Variants in NAA25 observed in about 807,000 individuals in gnomAD.
NAA25 encodes N-terminal acetyltransferase B complex subunit NAA25.
Under a neutral mutation model 132.5 loss-of-function variants are expected in NAA25, and 30 were observed. That is an observed-to-expected ratio of 0.23 (90% confidence interval 0.17 to 0.31). NAA25 has a LOEUF of 0.31. Among genes scored for constraint, NAA25 ranks in the 10% least tolerant of loss-of-function variants. The pLI, the probability that NAA25 is intolerant of heterozygous loss-of-function variation, is 1.00. For synonymous variants in NAA25, 359 were observed against 401.9 expected, an observed-to-expected ratio of 0.89 and a Z score of 1.28; for missense variants, 771 against 1,150.4, an observed-to-expected ratio of 0.67 and a Z score of 4.77.
At chr12:112,101,027 A>G (rs2079287732) in intron 1 of NAA25, among the ~76,000 whole-genome samples, 1 of 151,914 alleles carries the variant, frequency 6.6e-6, no homozygotes, top group African/African-American at 2.4e-5. Context: ...CTTCATTCCA[A>G]CTGCACAAGC....
chr12:112,090,499 A>G, intron 3 of NAA25: 1 of 407,278 alleles, frequency 2.5e-6, no homozygotes, highest in Non-Finnish European at 4.3e-6. Flanking sequence ...CATTTAGCAG[A>G]TCAAAATATC....
At chr12:112,068,616 C>T (rs1271835992) in intron 11 of NAA25, among the ~76,000 whole-genome samples, 1 of 152,048 alleles carries the variant, frequency 6.6e-6, no homozygotes, top group East Asian at 1.9e-4. Flanking sequence ...CTTCCAATTA[C>T]ATGTAAATCC....
chr12:112,098,991 CT>C (rs545549893), intron 1 of NAA25, among the ~76,000 whole-genome samples: 320 of 144,162 alleles, frequency 2.2e-3, no homozygotes, highest in Non-Finnish European at 2.0e-3. Context: ...TTGCTAGTAT[CT>C]TTTTTTTTTT....
intron 4 of NAA25, among the ~76,000 whole-genome samples, chr12:112,085,837 G>C (rs2079038546): frequency 6.7e-6 from 1 of 150,152 alleles, no homozygotes; most frequent in African/African-American, 2.5e-5. Context: ...GGCCAACATG[G>C]TGAAACCCCG....
intron 15 of NAA25, among the ~76,000 whole-genome samples, chr12:112,052,212 G>C (rs1437567881): frequency 6.6e-6 from 1 of 152,028 alleles, no homozygotes; most frequent in Non-Finnish European, 1.5e-5. Context: ...AACACACAAT[G>C]AAAATTCATA....
chr12:112,055,801 T>C (rs574133054), intron 13 of NAA25, among the ~76,000 whole-genome samples: 2 of 152,186 alleles, frequency 1.3e-5, no homozygotes, highest in Admixed American at 6.5e-5. Flanking sequence ...TAAACTACTT[T>C]CCAAAATTTA....
intron 1 of NAA25, among the ~76,000 whole-genome samples, chr12:112,102,425 T>C (rs1056213834): frequency 9.2e-5 from 14 of 152,130 alleles, no homozygotes; most frequent in African/African-American, 3.4e-4. Flanking sequence ...TTGCCCTATG[T>C]TTCAACAACT....
intron 14 of NAA25, 104 bp from the exon 15 acceptor site, chr12:112,053,761 G>C: frequency 3.2e-6 from 2 of 633,938 alleles, no homozygotes; most frequent in Non-Finnish European, 5.4e-6. Flanking sequence ...AAAATAGCTA[G>C]GCATAAGAAA....
chr12:112,107,337 T>TA (rs1338210811), intron 1 of NAA25, among the ~76,000 whole-genome samples: 1 of 151,124 alleles, frequency 6.6e-6, no homozygotes, highest in South Asian at 2.1e-4. Flanking sequence ...TGAGTGGCCT[T>TA]AGACAAATTA....
chr12:112,050,536 A>G (rs188061974), intron 15 of NAA25, among the ~76,000 whole-genome samples: 2 of 150,676 alleles, frequency 1.3e-5, no homozygotes, highest in Admixed American at 1.3e-4. Flanking sequence ...TTTGAGACAG[A>G]GTCTCACTCT....
At chr12:112,061,771 A>C (rs546733606) in intron 11 of NAA25, among the ~76,000 whole-genome samples, 10 of 151,746 alleles carry the variant, frequency 6.6e-5, no homozygotes, top group African/African-American at 1.2e-4. Flanking sequence ...CCAAAAAATT[A>C]AAAAAAAATT....
chr12:112,055,077 G>A (rs2078525198), intron 13 of NAA25, among the ~76,000 whole-genome samples: 1 of 152,088 alleles, frequency 6.6e-6, no homozygotes, highest in African/African-American at 2.4e-5. Flanking sequence ...AAAGGTACAT[G>A]TATCTCTAGT....
chr12:112,055,533 A>G (rs76996572), intron 13 of NAA25, among the ~76,000 whole-genome samples: 2,341 of 152,152 alleles, frequency 0.015, 72 homozygotes, highest in African/African-American at 0.053. Context: ...CGTCTCTACT[A>G]AAAACATTTT....
chr12:112,068,776 T>C (rs1340639612), intron 11 of NAA25, 104 bp downstream of exon 11: 8 of 648,152 alleles, frequency 1.2e-5, no homozygotes, highest in Non-Finnish European at 1.9e-5. Context: ...TTGTATCTCA[T>C]GATTATCAAT....
At chr12:112,088,180 G>GT (rs2079081249) in intron 3 of NAA25, among the ~76,000 whole-genome samples, 1 of 152,054 alleles carries the variant, frequency 6.6e-6, no homozygotes. Context: ...TTATCTTAGT[G>GT]AACATCAGCC....
intron 13 of NAA25, among the ~76,000 whole-genome samples, chr12:112,055,606 G>A (rs1168107403): frequency 6.6e-6 from 1 of 152,030 alleles, no homozygotes; most frequent in Non-Finnish European, 1.5e-5. Context: ...CAGGAGGGCT[G>A]AGGTTGGGAG....
At chr12:112,068,771 T>C in intron 11 of NAA25, 109 bp downstream of exon 11, 1 of 630,984 alleles carries the variant, frequency 1.6e-6, no homozygotes, top group South Asian at 2.2e-5. Context: ...TATCATTGTA[T>C]CTCATGATTA....
At chr12:112,095,526 T>A (rs1593834971) in intron 1 of NAA25, among the ~76,000 whole-genome samples, 1 of 146,326 alleles carries the variant, frequency 6.8e-6, no homozygotes, top group Non-Finnish European at 1.5e-5. Context: ...GCTTGGGAGG[T>A]AGAGGCTGCA....
At chr12:112,091,992 G>A (rs2079137308) in intron 2 of NAA25, among the ~76,000 whole-genome samples, 1 of 152,238 alleles carries the variant, frequency 6.6e-6, no homozygotes, top group Admixed American at 6.5e-5. Flanking sequence ...TATAATCCCA[G>A]CACTTTGGGA....
Sources: allele counts gnomAD v4.1 joint callset (sites outside exome capture counted in the v4.1 genomes callset), GRCh38; gene constraint gnomAD v4.1.1; transcripts MANE v1.5; gene names NCBI Gene and HGNC (gene_info 2026-07-23, HGNC 2026-07-21).